APPL1: variants seen among roughly 807,000 people sequenced by gnomAD.
APPL1 encodes DCC-interacting protein 13-alpha.
In APPL1, 42 loss-of-function variants were observed where a neutral mutation model predicts 106.8. The ratio of observed to expected loss-of-function variants is 0.39; its 90% CI spans 0.31 to 0.51. The LOEUF is 0.51. APPL1 is among the 20% of genes least tolerant of loss of function. APPL1 has a pLI of 0.75. For synonymous variants in APPL1, 263 were observed against 281.8 expected (o/e 0.93, Z 0.67); for missense variants, 769 against 858.2 (o/e 0.90, Z 1.30).
At position 57,271,776 on chromosome 3, in the gene APPL1, C is replaced by T. The variant is rs1338513324; in HGVS notation, c.*2089C>T. The T allele has an allele frequency of 5.9e-5, 9 of 152,212 alleles. No homozygotes were observed. Among genetic ancestry groups the T allele is most frequent in the Admixed American group, 3.9e-4 (6 of 15,266 alleles). 9.4% of individuals were successfully genotyped at this position (152,212 alleles called of 1,614,324 possible). On this transcript the variant is annotated 3_prime_UTR_variant, in exon 22 of 22. Transcript: ENST00000288266. Reference sequence around the variant, plus strand: ...TGTAGTTCGTTTTAAGTCATGTTCACAGGAATTTCTACAATAATAAACCCA... The same window carrying T: ...TGTAGTTCGTTTTAAGTCATGTTCATAGGAATTTCTACAATAATAAACCCA...
chr3:57,231,199 C>T lies in APPL1; in HGVS notation c.54+3262C>T, dbSNP rs189168082. Among the ~76,000 whole-genome samples the T allele has an allele frequency of 4.3e-3, 647 of 150,340 alleles. 2 individuals are homozygous for T. Among genetic ancestry groups the T allele is most frequent in the Non-Finnish European group, 6.6e-3 (446 of 67,658 alleles). On this transcript the variant is annotated intron_variant, in intron 1 of 21. Coordinates refer to ENST00000288266, the MANE Select transcript of APPL1 (RefSeq NM_012096.3). ...CTAAAAATACAAAAAATTAGCCGGGCGTGGTGGTGGACGTCTGTAATCCCA... is the reference window on the plus strand; with the variant it reads ...CTAAAAATACAAAAAATTAGCCGGGTGTGGTGGTGGACGTCTGTAATCCCA...
At chr3:57,262,195 A>G (rs2060869941) in intron 19 of APPL1, among the ~76,000 whole-genome samples, 1 of 151,948 alleles carries the variant, frequency 6.6e-6, no homozygotes, top group Non-Finnish European at 1.5e-5. Context: ...AATTTCTCCC[A>G]TTCAACAGGT....
Position 57,270,543 on chromosome 3 carries a change from G to A in APPL1, c.*856G>A, listed in dbSNP as rs960604152. ...ATACATTGTATTTTCTGCATTGTGT[G>A]AAATAGTTTTTATTGAAAGTCAAGT... is the stretch of plus-strand genomic sequence containing the variant. On this transcript the variant is annotated 3_prime_UTR_variant, in exon 22 of 22. Coordinates refer to ENST00000288266, the MANE Select transcript of APPL1 (RefSeq NM_012096.3). 3.3e-5 allele frequency: 5 copies of A among 152,612 alleles called. No homozygotes were observed. Among genetic ancestry groups the A allele is most frequent in the African/African-American group, 1.2e-4 (5 of 41,456 alleles). The allele number at this position is 152,612 out of a possible 1,614,324, so 9.5% of individuals were successfully genotyped here. A position where few individuals can be genotyped will look rare whatever the true frequency, so the allele number is the denominator to read the frequency against.
At chr3:57,266,710 T>G (rs1271082024) in intron 19 of APPL1, among the ~76,000 whole-genome samples, 3 of 152,208 alleles carry the variant, frequency 2.0e-5, no homozygotes, top group Non-Finnish European at 4.4e-5. Flanking sequence ...TCTTGTAGTA[T>G]TTTTATAGTT....
chr3:57,230,476 A>T (rs1479553009), intron 1 of APPL1, among the ~76,000 whole-genome samples: 1 of 151,976 alleles, frequency 6.6e-6, no homozygotes, highest in East Asian at 1.9e-4. Flanking sequence ...AATGGAATTG[A>T]GATTATATTG....
At chr3:57,245,660 G>A (rs1327332816) in intron 7 of APPL1, among the ~76,000 whole-genome samples, 3 of 151,136 alleles carry the variant, frequency 2.0e-5, no homozygotes, top group Admixed American at 6.6e-5. Flanking sequence ...CTCATGCCTC[G>A]GCCTCCCCAG....
At chr3:57,258,325 T>C (rs1198231544) in intron 15 of APPL1, among the ~76,000 whole-genome samples, 1 of 152,182 alleles carries the variant, frequency 6.6e-6, no homozygotes, top group Non-Finnish European at 1.5e-5. Flanking sequence ...ACCCAGCTAA[T>C]TTTTAAATTT....
chr3:57,251,805 ATATCT>A (rs1326068855), intron 11 of APPL1, among the ~76,000 whole-genome samples: 1 of 152,140 alleles, frequency 6.6e-6, no homozygotes, highest in Non-Finnish European at 1.5e-5. Flanking sequence ...TCAAACTCTA[ATATCT>A]ATAGAAAAGC....
intron 16 of APPL1, among the ~76,000 whole-genome samples, chr3:57,259,615 A>G (rs1041274917): frequency 6.6e-6 from 1 of 152,050 alleles, no homozygotes; most frequent in African/African-American, 2.4e-5. Context: ...CCAGTTGTTG[A>G]AGCATTACTT....
Position 57,246,021 on chromosome 3 carries a change from T to C in APPL1, c.475-55T>C, listed in dbSNP as rs1014385265. 3 of 1,339,354 alleles carry C rather than the reference T, an allele frequency of 2.2e-6. No homozygotes were observed. In the African/African-American group the frequency reaches 4.5e-5, roughly 20 times the overall value. 83.0% of individuals were successfully genotyped at this position (1,339,354 alleles called of 1,614,324 possible). ...AGCTCCTACTGAAGATAATACAAAA[T>C]TAAGTAAATAATAGCAGATTATTTA... is the stretch of plus-strand genomic sequence containing the variant. On this transcript the variant is annotated intron_variant, in intron 7 of 21. Transcript: ENST00000288266.
At chr3:57,266,957 T>A (rs1180797992) in intron 19 of APPL1, among the ~76,000 whole-genome samples, 2 of 152,200 alleles carry the variant, frequency 1.3e-5, no homozygotes, top group Non-Finnish European at 2.9e-5. Context: ...CCATGTGTCT[T>A]ATTTTTATAA....
At chr3:57,238,783 T>C (rs1020829182) in intron 4 of APPL1, among the ~76,000 whole-genome samples, 4 of 152,220 alleles carry the variant, frequency 2.6e-5, no homozygotes, top group Non-Finnish European at 4.4e-5. Flanking sequence ...TTTAAAAAAA[T>C]TGTGGTAAAG....
chr3:57,256,916 A>G, intron 13 of APPL1, 41 bp from the exon 14 acceptor site: 1 of 1,551,304 alleles, frequency 6.4e-7, no homozygotes, highest in Non-Finnish European at 8.9e-7. Context: ...TGGTTTGCTT[A>G]CTTTACTAAT....
At chr3:57,268,358 T>C in intron 20 of APPL1, 40 bp from the exon 21 acceptor site, 1 of 1,479,196 alleles carries the variant, frequency 6.8e-7, no homozygotes, top group African/African-American at 1.4e-5. Context: ...TTAAAGTTAT[T>C]TCATATTTAA....
At chr3:57,247,627 T>G (rs1553989) in intron 9 of APPL1, 150 bp downstream of exon 9, 3 of 537,790 alleles carry the variant, frequency 5.6e-6, no homozygotes, top group South Asian at 5.5e-5. Flanking sequence ...TTACTTCTTG[T>G]TTTTTTTTAA....
intron 20 of APPL1, 142 bp from the exon 21 acceptor site, chr3:57,268,256 A>G (rs1465764881): frequency 3.7e-6 from 3 of 808,482 alleles, no homozygotes; most frequent in African/African-American, 3.4e-5. Flanking sequence ...ATTGTTTACC[A>G]TTGAATATAA....
intron 15 of APPL1, among the ~76,000 whole-genome samples, chr3:57,258,452 GC>G (rs1284751905): frequency 1.3e-5 from 2 of 152,184 alleles, no homozygotes; most frequent in Non-Finnish European, 2.9e-5. Context: ...GAGCCACAAT[GC>G]CCAGCCCTCC....
At chr3:57,250,964 C>G (rs567457012) in intron 11 of APPL1, among the ~76,000 whole-genome samples, 2 of 149,432 alleles carry the variant, frequency 1.3e-5, no homozygotes, top group African/African-American at 4.9e-5. Flanking sequence ...CCTGCTACCA[C>G]GCCCGGCTAA....
At chr3:57,255,322 T>G (rs1440990544) in intron 13 of APPL1, among the ~76,000 whole-genome samples, 3 of 152,124 alleles carry the variant, frequency 2.0e-5, no homozygotes, top group Non-Finnish European at 2.9e-5. Context: ...GCTAATTTCT[T>G]TGGGAGGCTC....
Sources: allele counts gnomAD v4.1 joint callset (sites outside exome capture counted in the v4.1 genomes callset), GRCh38; gene constraint gnomAD v4.1.1; transcripts MANE v1.5; gene names NCBI Gene and HGNC (gene_info 2026-07-23, HGNC 2026-07-21).